Variants in LRCH2 observed in about 807,000 individuals in gnomAD.
LRCH2 encodes leucine-rich repeat and calponin homology domain-containing protein 2.
A neutral mutation model predicts 68.9 loss-of-function variants in LRCH2; 38 were observed. The observed-to-expected ratio is 0.55, with a 90% CI of 0.43 to 0.72. The LOEUF (loss-of-function observed/expected upper bound fraction) is 0.72. LRCH2 is among the 30% of genes least tolerant of loss of function. The pLI is 0.00. For missense variants in LRCH2, 528 were observed against 572.9 expected, an observed-to-expected ratio of 0.92 and a Z score of 0.80; for synonymous variants, 191 against 208.1, an observed-to-expected ratio of 0.92 and a Z score of 0.71.
chrX:115,154,814 C>T (rs181638077), intron 12 of LRCH2, among the ~76,000 whole-genome samples: 276 of 110,219 alleles, frequency 2.5e-3, no homozygotes, highest in African/African-American at 8.3e-3. Context: ...TAAATGTACA[C>T]TCATGTTTTA....
intron 11 of LRCH2, among the ~76,000 whole-genome samples, chrX:115,161,907 G>A (rs1285710220): frequency 9.7e-6 from 1 of 103,113 alleles, no homozygotes; most frequent in Non-Finnish European, 1.9e-5. Context: ...CTAATACCAC[G>A]AGAAAAATGG....
intron 1 of LRCH2, among the ~76,000 whole-genome samples, chrX:115,203,778 C>T (rs190115147): frequency 1.8e-5 from 2 of 112,399 alleles, no homozygotes; most frequent in Non-Finnish European, 3.8e-5. Context: ...TAGCCCCCGT[C>T]GCTGGTTTCA....
At chrX:115,226,532 T>G (rs1471913487) in intron 1 of LRCH2, among the ~76,000 whole-genome samples, 2 of 110,820 alleles carry the variant, frequency 1.8e-5, no homozygotes, top group African/African-American at 6.6e-5. Flanking sequence ...GACAGAGAGA[T>G]CATTTAGAAA....
At chrX:115,188,189 A>G (rs1290340656) in intron 2 of LRCH2, 37 bp downstream of exon 2, 2 of 1,050,297 alleles carry the variant, frequency 1.9e-6, no homozygotes, top group Admixed American at 3.9e-5. Context: ...TAGAACAACA[A>G]TAAAAACCAA....
At chrX:115,232,880 G>A (rs1556578894) in intron 1 of LRCH2, among the ~76,000 whole-genome samples, 1 of 111,823 alleles carries the variant, frequency 8.9e-6, no homozygotes, top group Non-Finnish European at 1.9e-5. Flanking sequence ...AAGACTACCA[G>A]AGAGTATATG....
chrX:115,197,847 T>TCTCACACA lies in LRCH2; in HGVS notation c.350-9478_350-9477insTGTGTGAG, dbSNP rs782358260. 2.8e-3 allele frequency among the ~76,000 whole-genome samples: 57 copies of TCTCACACA among 20,566 alleles called. 1 individual carries two copies. Among genetic ancestry groups the TCTCACACA allele is most frequent in the African/African-American group, 0.011 (56 of 5,183 alleles). 17.9% of individuals were successfully genotyped at this position (20,566 alleles called of 115,157 possible). ...CTCTCTCTCTCTCTCTCTCTCTCTC[T>TCTCACACA]CACACACACACACACACACACACAC... On this transcript the variant is annotated intron_variant, in intron 1 of 20. Coordinates refer to ENST00000317135, the MANE Select transcript of LRCH2 (RefSeq NM_020871.4).
At chrX:115,205,514 T>TA (rs1338433914) in intron 1 of LRCH2, among the ~76,000 whole-genome samples, 2 of 112,310 alleles carry the variant, frequency 1.8e-5, no homozygotes, top group Non-Finnish European at 3.8e-5. Context: ...TCATTAATTG[T>TA]AAAAAATACA....
At chrX:115,216,388 C>T (rs1431263659) in intron 1 of LRCH2, among the ~76,000 whole-genome samples, 4 of 111,851 alleles carry the variant, frequency 3.6e-5, no homozygotes, top group African/African-American at 9.8e-5. Context: ...ATTTTTTTCC[C>T]TATGCTTCTA....
intron 16 of LRCH2, 80 bp from the exon 17 acceptor site, chrX:115,124,082 A>T: frequency 1.9e-6 from 1 of 515,943 alleles, no homozygotes; most frequent in Non-Finnish European, 2.9e-6. Flanking sequence ...GCTTATTCAC[A>T]TCCATTCCAA....
chrX:115,167,439 GA>G (rs782466115), intron 6 of LRCH2, among the ~76,000 whole-genome samples: 96 of 94,654 alleles, frequency 1.0e-3, no homozygotes, highest in Middle Eastern at 0.01. Context: ...AGTGCTATGA[GA>G]AAAAAAAAAA....
intron 1 of LRCH2, among the ~76,000 whole-genome samples, chrX:115,208,214 T>G (rs2072982408): frequency 8.9e-6 from 1 of 112,345 alleles, no homozygotes; most frequent in Non-Finnish European, 1.9e-5. Context: ...TTGGAATTAA[T>G]AAGAGAATGA....
At chrX:115,170,518 A>C in intron 5 of LRCH2, 86 bp from the exon 6 acceptor site, 1 of 786,750 alleles carries the variant, frequency 1.3e-6, no homozygotes. Flanking sequence ...GTCTCAAATT[A>C]CATTGAGACA....
chrX:115,115,847 CA>C (rs1389764301), intron 20 of LRCH2, among the ~76,000 whole-genome samples: 20 of 102,800 alleles, frequency 1.9e-4, no homozygotes, highest in Admixed American at 4.2e-4. Flanking sequence ...AACTACAACT[CA>C]AAAAAAAAAG....
chrX:115,217,082 G>A (rs2067540855), intron 1 of LRCH2, among the ~76,000 whole-genome samples: 1 of 111,541 alleles, frequency 9.0e-6, no homozygotes, highest in African/African-American at 3.3e-5. Flanking sequence ...ACTCAGAAAT[G>A]TAGGAAGGTA....
At chrX:115,119,216 A>G (rs2072112693) in intron 20 of LRCH2, among the ~76,000 whole-genome samples, 2 of 110,177 alleles carry the variant, frequency 1.8e-5, no homozygotes. Context: ...TTAGGAAAAG[A>G]GGAAGTCAAA....
intron 1 of LRCH2, among the ~76,000 whole-genome samples, chrX:115,188,951 C>G (rs1556555722): frequency 8.9e-6 from 1 of 112,225 alleles, no homozygotes; most frequent in Non-Finnish European, 1.9e-5. Flanking sequence ...AGAATTATCT[C>G]TGATCTTTAA....
At chrX:115,133,103 T>C (rs1404951783) in intron 14 of LRCH2, among the ~76,000 whole-genome samples, 1 of 111,819 alleles carries the variant, frequency 8.9e-6, no homozygotes, top group Non-Finnish European at 1.9e-5. Flanking sequence ...CAAATCATAA[T>C]GAGGTATACA....
chrX:115,183,199 T>G (rs1418040622), intron 3 of LRCH2, among the ~76,000 whole-genome samples: 1 of 111,176 alleles, frequency 9.0e-6, no homozygotes, highest in Non-Finnish European at 1.9e-5. Context: ...ATTATATGGT[T>G]CTAAAACATA....
At chrX:115,210,153 A>C (rs1305326573) in intron 1 of LRCH2, among the ~76,000 whole-genome samples, 4 of 112,181 alleles carry the variant, frequency 3.6e-5, no homozygotes, top group Non-Finnish European at 7.5e-5. Context: ...CAGGACCCGA[A>C]TGTTAATCCC....
Sources: allele counts gnomAD v4.1 joint callset (sites outside exome capture counted in the v4.1 genomes callset), GRCh38; gene constraint gnomAD v4.1.1; transcripts MANE v1.5; gene names NCBI Gene and HGNC (gene_info 2026-07-23, HGNC 2026-07-21).